Variants in CSMD1 observed in about 807,000 individuals in gnomAD.
CSMD1 encodes CUB and sushi domain-containing protein 1.
In CSMD1, 213 loss-of-function variants were observed where a neutral mutation model predicts 417.5. The observed-to-expected ratio is 0.51, with a 90% confidence interval of 0.46 to 0.57. The LOEUF (loss-of-function observed/expected upper bound fraction) is 0.57. CSMD1 is among the 20% of genes least tolerant of loss of function. The probability of loss-of-function intolerance (pLI) is 0.00; values close to 1 mark genes in which losing one functional copy is unlikely to be tolerated. For missense variants in CSMD1, 6,923 were observed against 4,529.7 expected (o/e 1.53, Z -15.17); for synonymous variants, 2,862 against 1,736.8 (o/e 1.65, Z -16.11).
At chr8:4,715,362 G>A (rs927208085) in intron 1 of CSMD1, among the ~76,000 whole-genome samples, 10 of 152,104 alleles carry the variant, frequency 6.6e-5, no homozygotes, top group Non-Finnish European at 1.2e-4. Flanking sequence ...CTTCATCAAA[G>A]AGCAATATTA....
chr8:3,992,300 A>G (rs1291798980), intron 5 of CSMD1, among the ~76,000 whole-genome samples: 1 of 152,126 alleles, frequency 6.6e-6, no homozygotes, highest in Non-Finnish European at 1.5e-5. Context: ...GCCTACCTGG[A>G]GTACGCAAGT....
At chr8:3,517,661 C>T (rs1324592760) in intron 10 of CSMD1, among the ~76,000 whole-genome samples, 2 of 152,086 alleles carry the variant, frequency 1.3e-5, no homozygotes, top group Non-Finnish European at 2.9e-5. Flanking sequence ...GAATTTTGGT[C>T]TAGCTAACAC....
chr8:4,043,059 G>C (rs1797974283), intron 3 of CSMD1, among the ~76,000 whole-genome samples: 4 of 152,004 alleles, frequency 2.6e-5, no homozygotes, highest in South Asian at 4.2e-4. Flanking sequence ...TTGAACCTTG[G>C]AGGCACAGGG....
At chr8:3,700,933 G>C (rs912401723) in intron 7 of CSMD1, among the ~76,000 whole-genome samples, 2 of 152,028 alleles carry the variant, frequency 1.3e-5, no homozygotes, top group East Asian at 1.9e-4. Context: ...TTGCAGGGTG[G>C]GACTTTGTCA....
intron 3 of CSMD1, among the ~76,000 whole-genome samples, chr8:4,178,910 G>T (rs1018880596): frequency 3.9e-5 from 6 of 152,070 alleles, no homozygotes; most frequent in Non-Finnish European, 5.9e-5. Context: ...ACAAACCACT[G>T]CTCAATGAAA....
chr8:3,916,027 G>C (rs774523493), intron 5 of CSMD1, among the ~76,000 whole-genome samples: 1 of 151,498 alleles, frequency 6.6e-6, no homozygotes, highest in Non-Finnish European at 1.5e-5. Context: ...TGTCACTGCA[G>C]ACACAAGACA....
At chr8:3,010,670 T>G (rs897033596) in intron 52 of CSMD1, among the ~76,000 whole-genome samples, 3 of 152,054 alleles carry the variant, frequency 2.0e-5, no homozygotes, top group Non-Finnish European at 4.4e-5. Flanking sequence ...TGTCAGCCTC[T>G]AGGTTGCTCC....
At chr8:2,939,523 G>C (rs558557508) in intron 69 of CSMD1, among the ~76,000 whole-genome samples, 3 of 152,124 alleles carry the variant, frequency 2.0e-5, no homozygotes, top group Non-Finnish European at 2.9e-5. Context: ...ATCATGTCTG[G>C]TCTGCTCTGT....
At chr8:3,376,630 C>A (rs990792696) in intron 18 of CSMD1, among the ~76,000 whole-genome samples, 1 of 151,680 alleles carries the variant, frequency 6.6e-6, no homozygotes, top group Non-Finnish European at 1.5e-5. Flanking sequence ...GTTTTCTTTG[C>A]GTTTGTCTTT....
At chr8:4,711,944 G>A (rs1342701501) in intron 1 of CSMD1, among the ~76,000 whole-genome samples, 2 of 152,146 alleles carry the variant, frequency 1.3e-5, no homozygotes, top group Non-Finnish European at 2.9e-5. Context: ...TGGCTACTGT[G>A]CACATCTCAT....
chr8:4,314,603 TCACACACA>T (rs10610837), intron 3 of CSMD1, among the ~76,000 whole-genome samples: 3 of 150,388 alleles, frequency 2.0e-5, no homozygotes, highest in East Asian at 3.9e-4. Context: ...TATTACATTT[TCACACACA>T]CACACACACA....
intron 1 of CSMD1, among the ~76,000 whole-genome samples, chr8:4,943,556 G>A (rs372775189): frequency 2.0e-5 from 3 of 151,894 alleles, no homozygotes. Flanking sequence ...TCACCTCTCT[G>A]TAACCAATTA....
intron 3 of CSMD1, among the ~76,000 whole-genome samples, chr8:4,396,810 T>C (rs1585011247): frequency 6.6e-6 from 1 of 152,010 alleles, no homozygotes; most frequent in African/African-American, 2.4e-5. Context: ...TTCTCACTTA[T>C]AAGAAGTGGG....
At chr8:4,249,469 A>G (rs1038285682) in intron 3 of CSMD1, among the ~76,000 whole-genome samples, 1 of 152,204 alleles carries the variant, frequency 6.6e-6, no homozygotes, top group Admixed American at 6.5e-5. Context: ...TGCGTGATGT[A>G]AACAGGGTTA....
intron 40 of CSMD1, 38 bp from the exon 41 acceptor site, chr8:3,142,712 C>A: frequency 6.7e-7 from 1 of 1,493,462 alleles, no homozygotes. Flanking sequence ...AAGTTCATAT[C>A]AAAATGTATA....
intron 7 of CSMD1, among the ~76,000 whole-genome samples, chr8:3,692,983 T>C (rs1256007168): frequency 6.6e-6 from 1 of 152,210 alleles, no homozygotes; most frequent in Non-Finnish European, 1.5e-5. Flanking sequence ...ATATGACTTC[T>C]TTATCATCAA....
intron 7 of CSMD1, among the ~76,000 whole-genome samples, chr8:3,707,568 C>G (rs191664933): frequency 6.6e-6 from 1 of 152,170 alleles, no homozygotes; most frequent in Non-Finnish European, 1.5e-5. Context: ...ACTCATCTCT[C>G]GTTTGTAAGA....
intron 65 of CSMD1, among the ~76,000 whole-genome samples, chr8:2,952,845 T>G (rs1476610828): frequency 6.6e-6 from 1 of 152,170 alleles, no homozygotes; most frequent in East Asian, 1.9e-4. Context: ...GGCTTCTGTG[T>G]ATTAAAATAG....
intron 2 of CSMD1, among the ~76,000 whole-genome samples, chr8:4,468,511 T>C (rs1800327792): frequency 6.6e-6 from 1 of 152,202 alleles, no homozygotes; most frequent in Admixed American, 6.5e-5. Flanking sequence ...CATGTACTTT[T>C]CTATTTCTTC....
Sources: allele counts gnomAD v4.1 joint callset (sites outside exome capture counted in the v4.1 genomes callset), GRCh38; gene constraint gnomAD v4.1.1; transcripts MANE v1.5; gene names NCBI Gene and HGNC (gene_info 2026-07-23, HGNC 2026-07-21).